ATP2C1: variants seen among roughly 807,000 people sequenced by gnomAD.
The protein encoded by ATP2C1 is calcium-transporting ATPase type 2C member 1.
In ATP2C1, 31 loss-of-function variants were observed where a neutral mutation model predicts 120.5. The ratio of observed to expected loss-of-function variants is 0.26; its 90% CI spans 0.19 to 0.35. The LOEUF (loss-of-function observed/expected upper bound fraction) is 0.35, where lower values mean the gene tolerates loss of function less well. ATP2C1 is among the 10% of genes least tolerant of loss of function. The pLI is 1.00. For missense variants in ATP2C1, 731 were observed against 1,107.5 expected, an observed-to-expected ratio of 0.66 and a Z score of 4.83; for synonymous variants, 351 against 358.7, an observed-to-expected ratio of 0.98 and a Z score of 0.24.
intron 8 of ATP2C1, among the ~76,000 whole-genome samples, chr3:130,948,269 T>C (rs780210231): frequency 5.9e-5 from 9 of 152,162 alleles, no homozygotes; most frequent in East Asian, 1.9e-4. Flanking sequence ...TTTTTGCTTT[T>C]GTTTATTTAG....
intron 5 of ATP2C1, among the ~76,000 whole-genome samples, chr3:130,937,217 T>C (rs1024254414): frequency 6.6e-6 from 1 of 152,160 alleles, no homozygotes; most frequent in Non-Finnish European, 1.5e-5. Flanking sequence ...GATCAAAAAG[T>C]TAGAGAAGCT....
intron 16 of ATP2C1, 98 bp from the exon 17 acceptor site, chr3:130,969,194 T>A (rs1250149097): frequency 3.8e-6 from 3 of 795,022 alleles, no homozygotes; most frequent in Non-Finnish European, 6.7e-6. Context: ...TGAAAAATAA[T>A]CCAGCCAACC....
chr3:131,009,069 C>G (rs1364025798), intron 26 of ATP2C1, among the ~76,000 whole-genome samples: 1 of 152,226 alleles, frequency 6.6e-6, no homozygotes, highest in Admixed American at 6.5e-5. Flanking sequence ...GATGGGCTCA[C>G]TTCTACCTCT....
At chr3:130,889,475 A>T (rs1489244816), upstream of ATP2C1, among the ~76,000 whole-genome samples, 1 of 152,102 alleles carries the variant, frequency 6.6e-6, no homozygotes, top group East Asian at 1.9e-4. Flanking sequence ...TTTTAATTTC[A>T]AATGGTTACC....
intron 2 of ATP2C1, among the ~76,000 whole-genome samples, chr3:130,913,476 A>G (rs2058540129): frequency 6.6e-6 from 1 of 152,134 alleles, no homozygotes; most frequent in Admixed American, 6.5e-5. Context: ...TTAGCTGTGT[A>G]TTTTCATGTG....
intron 26 of ATP2C1, chr3:131,015,370 C>T: frequency 3.3e-6 from 2 of 597,632 alleles, no homozygotes; most frequent in Non-Finnish European, 5.9e-6. Flanking sequence ...CCCTCAAGTA[C>T]CTCCTGGATG....
Position 131,002,335 on chromosome 3 carries a change from G to C in ATP2C1, c.*985G>C. 1 of 984,792 alleles carries C rather than the reference G, an allele frequency of 1.0e-6. No homozygotes were observed. The highest frequency in any genetic ancestry group is 1.2e-6 in the Non-Finnish European group (1 of 829,398). 61.0% of individuals were successfully genotyped at this position (984,792 alleles called of 1,614,324 possible). A position where few individuals can be genotyped will look rare whatever the true frequency, so the allele number is the denominator to read the frequency against. ...TAGGAAGTATAGGCTACTGGACTTA[G>C]AATAAAAAGTCCCCAAACCCAAACA... is the stretch of plus-strand genomic sequence containing the variant. On this transcript the variant is annotated 3_prime_UTR_variant, in exon 28 of 28. Coordinates refer to ENST00000510168, the MANE Select transcript of ATP2C1 (RefSeq NM_001378687.1).
chr3:130,866,603 G>C (rs1218980921), intron 1 of ATP2C1, among the ~76,000 whole-genome samples: 2 of 151,530 alleles, frequency 1.3e-5, no homozygotes, highest in African/African-American at 2.4e-5. Context: ...TGCTAACTTT[G>C]TTCTTATTCT....
intron 2 of ATP2C1, among the ~76,000 whole-genome samples, chr3:130,911,966 A>G (rs1194783945): frequency 7.6e-6 from 1 of 132,374 alleles, no homozygotes; most frequent in Non-Finnish European, 1.6e-5. Flanking sequence ...CAACTATCTG[A>G]TCTTTGACAA....
At chr3:130,970,400 A>ACACACACACC (rs2061251664) in intron 17 of ATP2C1, among the ~76,000 whole-genome samples, 2 of 149,544 alleles carry the variant, frequency 1.3e-5, no homozygotes, top group Non-Finnish European at 3.0e-5. Context: ...ACACACACAC[A>ACACACACACC]CACACACCCT....
At chr3:130,941,443 T>A (rs1158696363) in intron 7 of ATP2C1, 148 bp from the exon 8 acceptor site, 1 of 675,386 alleles carries the variant, frequency 1.5e-6, no homozygotes, top group East Asian at 2.7e-5. Flanking sequence ...TTTTCTGTCA[T>A]CTTGGCATCT....
intron 12 of ATP2C1, 27 bp downstream of exon 12, chr3:130,959,368 G>A: frequency 6.6e-7 from 1 of 1,507,246 alleles, no homozygotes; most frequent in African/African-American, 1.4e-5. Context: ...TATAATTGGA[G>A]TCTCTTTTGC....
chr3:130,860,414 G>A (rs2067977543), intron 1 of ATP2C1, among the ~76,000 whole-genome samples: 1 of 152,202 alleles, frequency 6.6e-6, no homozygotes, highest in South Asian at 2.1e-4. Context: ...ATATTAGTAA[G>A]GCTATTTCAG....
chr3:130,955,241 T>C (rs1319508280), intron 10 of ATP2C1, among the ~76,000 whole-genome samples, 161 bp downstream of exon 10: 3 of 152,206 alleles, frequency 2.0e-5, no homozygotes, highest in Non-Finnish European at 4.4e-5. Context: ...AGCCTGTAAT[T>C]GAAAAGGTCT....
intron 2 of ATP2C1, among the ~76,000 whole-genome samples, chr3:130,902,785 C>T (rs919189461): frequency 5.3e-5 from 8 of 151,792 alleles, no homozygotes; most frequent in South Asian, 4.2e-4. Context: ...TTTTGCTTGT[C>T]GGGTGTCTTT....
chr3:130,939,700 C>G (rs1308880058), intron 6 of ATP2C1, among the ~76,000 whole-genome samples: 1 of 152,094 alleles, frequency 6.6e-6, no homozygotes, highest in African/African-American at 2.4e-5. Context: ...ATGATTTTTA[C>G]ATTTGTAGAT....
Position 130,937,485 on chromosome 3 carries a change from C to A in ATP2C1, c.360+22C>A, listed in dbSNP as rs192922906. ...TCAGGTAAGTACTCTATTTTGCCAA[C>A]ATGAAAATGGTATGTTAATTGCTTA... On this transcript the variant is annotated intron_variant, in intron 6 of 27. Coordinates refer to ENST00000510168, the MANE Select transcript of ATP2C1 (RefSeq NM_001378687.1). 3.7e-4 allele frequency: 596 copies of A among 1,605,836 alleles called. 3 individuals are homozygous for A. The East Asian group carries it at 8.9e-3, about 24-fold the overall frequency.
chr3:130,944,516 T>G (rs2060051425), intron 8 of ATP2C1, among the ~76,000 whole-genome samples: 1 of 152,184 alleles, frequency 6.6e-6, no homozygotes, highest in Non-Finnish European at 1.5e-5. Flanking sequence ...TCTCTTCCTC[T>G]TATACGGCCA....
intron 2 of ATP2C1, chr3:130,927,881 C>T (rs2059285563): frequency 6.5e-6 from 1 of 154,370 alleles, no homozygotes; most frequent in South Asian, 2.1e-4. Flanking sequence ...AGATGACAGA[C>T]TCTTGTCACT....
Sources: allele counts gnomAD v4.1 joint callset (sites outside exome capture counted in the v4.1 genomes callset), GRCh38; gene constraint gnomAD v4.1.1; transcripts MANE v1.5; gene names NCBI Gene and HGNC (gene_info 2026-07-23, HGNC 2026-07-21).